EFCAB13: variants seen among roughly 807,000 people sequenced by gnomAD.
The protein encoded by EFCAB13 is EF-hand calcium binding domain 13.
In EFCAB13, 91 loss-of-function variants were observed where a neutral mutation model predicts 110.2. The ratio of observed to expected loss-of-function variants is 0.83; its 90% CI spans 0.70 to 0.98. The LOEUF (loss-of-function observed/expected upper bound fraction) is 0.98, where lower values mean the gene tolerates loss of function less well. Among genes scored for constraint, EFCAB13 ranks in the 50% least tolerant of loss-of-function variants. The probability of loss-of-function intolerance (pLI) is 0.00; values close to 1 mark genes in which losing one functional copy is unlikely to be tolerated. For synonymous variants in EFCAB13, 323 were observed against 369.9 expected, an observed-to-expected ratio of 0.87 and a Z score of 1.45; for missense variants, 968 against 1,119.4, an observed-to-expected ratio of 0.86 and a Z score of 1.93.
chr17:47,408,515 T>C (rs1310595452), intron 20 of EFCAB13, among the ~76,000 whole-genome samples: 1 of 152,142 alleles, frequency 6.6e-6, no homozygotes, highest in African/African-American at 2.4e-5. Flanking sequence ...TAGCCTGGCA[T>C]GGTGGCCCAT....
Position 47,404,602 on chromosome 17 carries a change from G to T in EFCAB13, c.2202G>T (p.Leu734Phe), listed in dbSNP as rs1188258593. ...MVNIKDCMRA[L>F]RDTQKFSNYI... ...ACATTAAAGACTGTATGAGGGCTTT[G>T]AGGGACACCCAGAAATTTTCCAATT... The change falls in exon 20 of 25, where the codon TTG becomes TTT. Residue 734 changes from leucine (L) to phenylalanine (F), a missense_variant. Physicochemically the swap from Leu to Phe is conservative, Grantham distance 22 (BLOSUM62 0). Transcript: ENST00000331493. The T allele has an allele frequency of 6.2e-7, 1 of 1,612,782 alleles. No homozygotes were observed. Among genetic ancestry groups the T allele is most frequent in the Non-Finnish European group, 8.5e-7 (1 of 1,179,270 alleles).
rs931182094 is a variant in EFCAB13 at position 47,374,328 on chromosome 17, G to C, written c.878-144G>C. The C allele has an allele frequency of 4.9e-6, 3 of 614,098 alleles. No homozygotes were observed. In the South Asian group the frequency reaches 1.1e-4, roughly 23 times the overall value. The allele number at this position is 614,098 out of a possible 1,614,324, so 38.0% of individuals were successfully genotyped here. On this transcript the variant is annotated intron_variant, in intron 11 of 24. Coordinates refer to ENST00000331493, the MANE Select transcript of EFCAB13 (RefSeq NM_152347.5). ...TAATAGTCCAATCTTTTGACTGTCA[G>C]TTCTTTAATTTTTTTGGTTTGTTTT...
chr17:47,353,017 C>T (rs1321768372), intron 9 of EFCAB13, among the ~76,000 whole-genome samples: 1 of 152,096 alleles, frequency 6.6e-6, no homozygotes, highest in Non-Finnish European at 1.5e-5. Flanking sequence ...ATTATATCAT[C>T]AACAAACAGA....
At chr17:47,398,783 GC>G (rs2065762663) in intron 17 of EFCAB13, among the ~76,000 whole-genome samples, 1 of 150,566 alleles carries the variant, frequency 6.6e-6, no homozygotes, top group Admixed American at 6.6e-5. Context: ...TGCTGACCTT[GC>G]CTCCACTATT....
chr17:47,417,751 C>A (rs1164382817), intron 23 of EFCAB13, among the ~76,000 whole-genome samples: 1 of 152,154 alleles, frequency 6.6e-6, no homozygotes. Context: ...AAATCCTGTG[C>A]AGTCATGCAC....
At chr17:47,329,316 A>G (rs537742064) in intron 4 of EFCAB13, among the ~76,000 whole-genome samples, 1 of 152,192 alleles carries the variant, frequency 6.6e-6, no homozygotes, top group South Asian at 2.1e-4. Flanking sequence ...TTTAACCCTC[A>G]CTGTTTTCTG....
intron 5 of EFCAB13, among the ~76,000 whole-genome samples, chr17:47,335,559 T>C (rs1440158993): frequency 3.9e-5 from 6 of 152,224 alleles, no homozygotes; most frequent in African/African-American, 1.4e-4. Flanking sequence ...CAGCCATCTA[T>C]AGGCTTCCAT....
intron 23 of EFCAB13, among the ~76,000 whole-genome samples, chr17:47,423,734 C>T (rs1904814594): frequency 2.0e-5 from 3 of 151,784 alleles, no homozygotes; most frequent in Admixed American, 2.0e-4. Context: ...CAGGGGCGTT[C>T]CCGGGCGCAC....
chr17:47,380,257 T>A (rs1004809875), intron 14 of EFCAB13, among the ~76,000 whole-genome samples: 1 of 148,830 alleles, frequency 6.7e-6, no homozygotes, highest in Non-Finnish European at 1.5e-5. Flanking sequence ...CAGGCCCCAG[T>A]GTGTGATGTT....
rs1878215673 is a variant in EFCAB13 at position 47,377,770 on chromosome 17, C to T, written c.1377C>T (p.Asn459=). 2 of 1,569,976 alleles carry T rather than the reference C, an allele frequency of 1.3e-6. No homozygotes were observed. Among genetic ancestry groups the T allele is most frequent in the Non-Finnish European group, 1.7e-6 (2 of 1,165,262 alleles). ...CTCTACATTTTGTGTATTTAGAAAA[C>T]TTCTGTGAAGCTATCAGTAAACTTC... is the stretch of plus-strand genomic sequence containing the variant. ...TEKTAISTLE[N]FCEAISKLQE... The change falls in exon 13 of 25, where the codon AAC becomes AAT. Residue 459 remains asparagine, a synonymous_variant. Transcript: ENST00000331493.
intron 9 of EFCAB13, among the ~76,000 whole-genome samples, chr17:47,355,565 T>C (rs1376138407): frequency 6.6e-6 from 1 of 150,778 alleles, no homozygotes; most frequent in Non-Finnish European, 1.5e-5. Context: ...CTGGAGGCTT[T>C]GTTCATTTTT....
chr17:47,334,595 A>C (rs536228431), intron 4 of EFCAB13, among the ~76,000 whole-genome samples: 1 of 152,188 alleles, frequency 6.6e-6, no homozygotes, highest in African/African-American at 2.4e-5. Flanking sequence ...AAAGAGTATG[A>C]TAAACTTTTG....
intron 24 of EFCAB13, among the ~76,000 whole-genome samples, chr17:47,435,254 CA>C (rs1905190952): frequency 6.6e-6 from 1 of 151,938 alleles, no homozygotes; most frequent in Non-Finnish European, 1.5e-5. Context: ...AGAAGATATA[CA>C]AATGGCCAAC....
intron 24 of EFCAB13, among the ~76,000 whole-genome samples, chr17:47,439,862 C>G (rs1300595137): frequency 6.6e-6 from 1 of 150,842 alleles, no homozygotes; most frequent in African/African-American, 2.4e-5. Context: ...TTTTTTTTCT[C>G]CTAAGAACCA....
intron 12 of EFCAB13, among the ~76,000 whole-genome samples, chr17:47,376,314 T>A (rs1459986265): frequency 6.6e-6 from 1 of 151,606 alleles, no homozygotes; most frequent in Non-Finnish European, 1.5e-5. Context: ...TGAGAGTTAT[T>A]TTTATTTCAA....
intron 15 of EFCAB13, 73 bp downstream of exon 15, chr17:47,391,653 G>A: frequency 1.3e-5 from 17 of 1,317,982 alleles, no homozygotes; most frequent in East Asian, 5.5e-5. Context: ...TTTTTTCTTA[G>A]AAAAATGACT....
intron 9 of EFCAB13, among the ~76,000 whole-genome samples, chr17:47,357,988 T>C (rs1444186095): frequency 2.0e-5 from 3 of 152,212 alleles, no homozygotes; most frequent in Admixed American, 2.0e-4. Context: ...ATTTTCTGTT[T>C]GTGGACAGTG....
intron 6 of EFCAB13, among the ~76,000 whole-genome samples, chr17:47,343,841 G>A (rs1388409397): frequency 6.6e-6 from 1 of 151,984 alleles, no homozygotes; most frequent in Non-Finnish European, 1.5e-5. Context: ...AGAGTCTGGT[G>A]GCTGAGTCTT....
chr17:47,345,818 C>G (rs1461510688), intron 8 of EFCAB13, among the ~76,000 whole-genome samples: 1 of 152,186 alleles, frequency 6.6e-6, no homozygotes, highest in Non-Finnish European at 1.5e-5. Context: ...CCAACCTCAG[C>G]TGCCCTTAGC....
Sources: gnomAD v4.1 joint callset for allele counts (sites outside exome capture counted in the v4.1 genomes callset) on GRCh38, gnomAD v4.1.1 for gene constraint, MANE v1.5 for transcripts, NCBI Gene and HGNC (gene_info 2026-07-23, HGNC 2026-07-21) for gene names.